Variants in GZF1 observed in about 807,000 individuals in gnomAD.
GZF1 encodes GDNF-inducible zinc finger protein 1.
Under a neutral mutation model 49.4 loss-of-function variants are expected in GZF1, and 28 were observed. That is an observed-to-expected ratio of 0.57 (90% CI 0.42 to 0.78). The LOEUF is 0.78. Among genes scored for constraint, GZF1 ranks in the 30% least tolerant of loss-of-function variants. The probability of loss-of-function intolerance (pLI) is 0.00; values close to 1 mark genes in which losing one functional copy is unlikely to be tolerated. For synonymous variants in GZF1, 364 were observed against 356.0 expected (o/e 1.02, Z -0.25); for missense variants, 798 against 916.2 (o/e 0.87, Z 1.67).
At position 23,365,681 on chromosome 20, in the gene GZF1, G is replaced by A. The variant is rs1208924556; in HGVS notation, c.1298G>A (p.Arg433Gln). 3 of 1,590,534 alleles carry A rather than the reference G, an allele frequency of 1.9e-6. No homozygotes were observed. Among genetic ancestry groups the A allele is most frequent in the Admixed American group, 1.7e-5 (1 of 58,828 alleles). Residue 433 changes from arginine (R) to glutamine (Q), a missense_variant, in exon 2 of 6, where the codon CGG becomes CAG. Physicochemically the swap from Arg to Gln is conservative, Grantham distance 43. Transcript: ENST00000338121. ...CACGAGCGCACACACACGGGAGACC[G>A]GCCCTACGGCTGCACCGAGTGCGGC... ...RLHERTHTGD[R>Q]PYGCTECGAR...
chr20:23,361,243 G>A (rs1343003611), upstream of GZF1, among the ~76,000 whole-genome samples: 2 of 152,188 alleles, frequency 1.3e-5, no homozygotes, highest in Non-Finnish European at 2.9e-5. Flanking sequence ...AGCATGACCT[G>A]GCAAAGCTTT....
intron 1 of GZF1, among the ~76,000 whole-genome samples, chr20:23,363,749 A>T (rs1980963976): frequency 6.6e-6 from 1 of 152,232 alleles, no homozygotes; most frequent in Admixed American, 6.5e-5. Flanking sequence ...TCAAAGTAGC[A>T]CAGCTTGTAA....
At chr20:23,363,258 AAGG>A (rs1231130010) in intron 1 of GZF1, 1 of 152,294 alleles carries the variant, frequency 6.6e-6, no homozygotes, top group Non-Finnish European at 1.5e-5. Context: ...GGTCTGGCCG[AAGG>A]AGGCTAGAAG....
chr20:23,372,054 T>C lies in GZF1; in HGVS notation c.*1613T>C, dbSNP rs1401586382. 1 of 152,590 alleles carries C rather than the reference T, an allele frequency of 6.6e-6. No homozygotes were observed. The highest frequency in any genetic ancestry group is 1.9e-4 in the East Asian group (1 of 5,192). 9.5% of individuals were successfully genotyped at this position (152,590 alleles called of 1,614,324 possible). A position where few individuals can be genotyped will look rare whatever the true frequency, so the allele number is the denominator to read the frequency against. On this transcript the variant is annotated 3_prime_UTR_variant, in exon 6 of 6. Transcript: ENST00000338121. ...ATCCTAGTTATGTTTACAGCACAAA[T>C]AAATAATGACTGTCATACATCCAGA...
chr20:23,369,998 T>C (rs932874721), intron 5 of GZF1, 93 bp from the exon 6 acceptor site: 4 of 1,126,970 alleles, frequency 3.5e-6, no homozygotes, highest in East Asian at 5.0e-5. Flanking sequence ...TTAGTGAAAG[T>C]TGAAAATTGA....
intron 4 of GZF1, among the ~76,000 whole-genome samples, chr20:23,369,340 CTA>C (rs1289727845): frequency 6.6e-6 from 1 of 152,150 alleles, no homozygotes; most frequent in Non-Finnish European, 1.5e-5. Context: ...GGTGTCATTC[CTA>C]TAGTTATAAT....
chr20:23,370,700 A>G lies in GZF1; in HGVS notation c.*259A>G. 1 of 474,790 alleles carries G rather than the reference A, an allele frequency of 2.1e-6. No homozygotes were observed. Among genetic ancestry groups the G allele is most frequent in the Admixed American group, 3.8e-5 (1 of 26,296 alleles). 29.4% of individuals were successfully genotyped at this position (474,790 alleles called of 1,614,324 possible). A position where few individuals can be genotyped will look rare whatever the true frequency, so the allele number is the denominator to read the frequency against. On this transcript the variant is annotated 3_prime_UTR_variant, in exon 6 of 6. Coordinates refer to ENST00000338121, the MANE Select transcript of GZF1 (RefSeq NM_022482.5). Reference sequence around the variant, plus strand: ...ACATAACCTCACTTAATTCTGGTGTAGGGTGTATGTGCTAATCGTTCTAAT... The same window carrying G: ...ACATAACCTCACTTAATTCTGGTGTGGGGTGTATGTGCTAATCGTTCTAAT...
At chr20:23,368,987 A>G in intron 4 of GZF1, 58 bp downstream of exon 4, 1 of 1,460,558 alleles carries the variant, frequency 6.8e-7, no homozygotes, top group Non-Finnish European at 9.3e-7. Flanking sequence ...AAAATTCTAA[A>G]GCTTGTAGAT....
chr20:23,361,237 T>C (rs1033838271), upstream of GZF1, among the ~76,000 whole-genome samples: 2 of 152,220 alleles, frequency 1.3e-5, no homozygotes, highest in African/African-American at 2.4e-5. Context: ...AGGGACAGCA[T>C]GACCTGGCAA....
At chr20:23,369,464 A>G (rs1298458997) in intron 4 of GZF1, 120 bp from the exon 5 acceptor site, 28 of 844,480 alleles carry the variant, frequency 3.3e-5, no homozygotes, top group Non-Finnish European at 4.8e-5. Context: ...AACCTTCCTT[A>G]TGTTGGATGC....
Position 23,370,246 on chromosome 20 carries a change from C to G in GZF1, c.1941C>G (p.Phe647Leu), listed in dbSNP as rs758315729. 6.2e-7 allele frequency: 1 copy of G among 1,614,192 alleles called. No individual in the cohort carries two copies. The highest frequency in any genetic ancestry group is 8.5e-7 in the Non-Finnish European group (1 of 1,180,020). Reference protein sequence around the residue: ...KLLSFAENGHFHNLAAVQDTV... With the variant: ...KLLSFAENGHLHNLAAVQDTV... ...TGTCTTTTGCAGAAAATGGCCATTT[C>G]CACAACCTGGCTGCAGTCCAAGACA... Residue 647 changes from phenylalanine to leucine, a missense_variant, in exon 6 of 6, where the codon TTC becomes TTG. By Grantham distance (22) the Phe-to-Leu change is conservative. Around this residue, in one of 3 missense-constraint regions of GZF1, gnomAD observed 446 missense variants for 540.1 expected, o/e 0.83. Transcript: ENST00000338121.
rs1276688675 is a variant in GZF1, at chr20:23,370,220, C to T, written c.1915C>T (p.Leu639=). 6.2e-7 allele frequency: 1 copy of T among 1,614,218 alleles called. No homozygotes were observed. The highest frequency in any genetic ancestry group is 8.5e-7 in the Non-Finnish European group (1 of 1,180,042). Residue 639 remains leucine (L), a synonymous_variant, in exon 6 of 6, where the codon CTG becomes TTG. Transcript: ENST00000338121. ...YVSSKLSDKL[L]SFAENGHFHN... is the part of the protein sequence containing the mutation. ...GTCATCCAAGCTTTCGGATAAATTG[C>T]TGTCTTTTGCAGAAAATGGCCATTT...
rs770392112 is a variant in GZF1, at chr20:23,365,490, C to T, written c.1107C>T (p.His369=). ...GCAACCTGAAGAGCCACCAGCGCCA[C>T]GTGCACAGCAGCGAGCGCCATTTCC... ...NRCNLKSHQR[H]VHSSERHFPC... The change falls in exon 2 of 6, where the codon CAC becomes CAT. Residue 369 remains histidine (H), a synonymous_variant. Coordinates refer to ENST00000338121, the MANE Select transcript of GZF1 (RefSeq NM_022482.5). 4 of 1,613,718 alleles carry T rather than the reference C, an allele frequency of 2.5e-6. No individual in the cohort carries two copies. The South Asian group carries it at 3.3e-5, about 13-fold the overall frequency.
rs1600547084 is a variant in GZF1 at position 23,372,866 on chromosome 20, A to C, written c.*2425A>C. 1 of 152,240 alleles carries C rather than the reference A, an allele frequency of 6.6e-6. No homozygotes were observed. The highest frequency in any genetic ancestry group is 2.1e-4 in the South Asian group (1 of 4,836). 9.4% of individuals were successfully genotyped at this position (152,240 alleles called of 1,614,324 possible). A position where few individuals can be genotyped will look rare whatever the true frequency, so the allele number is the denominator to read the frequency against. On this transcript the variant is annotated 3_prime_UTR_variant, in exon 6 of 6. Transcript: ENST00000338121. ...CAGCCCAAACTCCAAAGGGATGTGC[A>C]GCCTTTCGTTTTACCAAATTCTTTG...
chr20:23,365,148 G>C lies in GZF1; in HGVS notation c.765G>C (p.Val255=). The C allele has an allele frequency of 1.2e-6, 2 of 1,613,990 alleles. No homozygotes were observed. Among genetic ancestry groups the C allele is most frequent in the South Asian group, 1.1e-5 (1 of 91,060 alleles). The stretch of plus-strand genomic sequence containing the variant: ...AGCAGAAAACTGCTGAGGGTGATGT[G>C]GGGGACTACAGGTGTCCCCAGGACC... ...REQQKTAEGD[V]GDYRCPQDQS... Residue 255 remains valine (V), a synonymous_variant, in exon 2 of 6, where the codon GTG becomes GTC. Transcript: ENST00000338121.
chr20:23,364,071 G>A (rs1981003637), intron 1 of GZF1, among the ~76,000 whole-genome samples: 1 of 152,214 alleles, frequency 6.6e-6, no homozygotes, highest in Admixed American at 6.5e-5. Context: ...ACCTTGGTGA[G>A]CAAATTACTG....
rs1981060522 is a variant in GZF1, at chr20:23,364,492, G to A, written c.109G>A (p.Val37Met). ...TCACCTGTGTGACGTGACAGTCAGC[G>A]TGGAGTATCAGGGTGTCCGCAAAGA... ...LGHLCDVTVS[V>M]EYQGVRKDFM... Residue 37 changes from valine to methionine, a missense_variant, in exon 2 of 6, where the codon GTG (valine) becomes ATG (methionine). Val to Met is a conservative substitution (Grantham distance 21). Coordinates refer to ENST00000338121, the MANE Select transcript of GZF1 (RefSeq NM_022482.5). 3.1e-6 allele frequency: 5 copies of A among 1,614,150 alleles called. No individual in the cohort carries two copies. In the African/African-American group the frequency reaches 4.0e-5, roughly 13 times the overall value.
rs1001798909 is a variant in GZF1 at position 23,371,467 on chromosome 20, C to A, written c.*1026C>A. 1 of 152,622 alleles carries A rather than the reference C, an allele frequency of 6.6e-6. No homozygotes were observed. The highest frequency in any genetic ancestry group is 1.5e-5 in the Non-Finnish European group (1 of 68,044). The allele number at this position is 152,622 out of a possible 1,614,324, so 9.5% of individuals were successfully genotyped here. On this transcript the variant is annotated 3_prime_UTR_variant, in exon 6 of 6. Coordinates refer to ENST00000338121, the MANE Select transcript of GZF1 (RefSeq NM_022482.5). ...TCCTTGGGAGCATGTGAGAACATAG[C>A]AGTAGGGACCAAAAGTCTCAGCACA...
chr20:23,365,517 A>T lies in GZF1; in HGVS notation c.1134A>T (p.Pro378=). Residue 378 remains proline, a synonymous_variant, in exon 2 of 6, where the codon CCA becomes CCT. Transcript: ENST00000338121. ...RHVHSSERHF[P]CELCGKKFKR... is the part of the protein sequence containing the mutation. The stretch of plus-strand genomic sequence containing the variant: ...TGCACAGCAGCGAGCGCCATTTCCC[A>T]TGCGAGCTGTGCGGGAAGAAGTTCA... 6.2e-7 allele frequency: 1 copy of T among 1,613,672 alleles called. No individual in the cohort carries two copies. The highest frequency in any genetic ancestry group is 8.5e-7 in the Non-Finnish European group (1 of 1,179,904).
Sources: allele counts gnomAD v4.1 joint callset (sites outside exome capture counted in the v4.1 genomes callset), GRCh38; gene constraint gnomAD v4.1.1; regional missense constraint gnomAD v4.1.1; transcripts MANE v1.5; gene names NCBI Gene and HGNC (gene_info 2026-07-23, HGNC 2026-07-21).